Variants in REDIC1 observed in about 807,000 individuals in gnomAD.
REDIC1 encodes the protein HEI10 Interacting Protein 1.
the REDIC1 span, chr12:39,764,778 G>A: frequency 1.2e-6 from 2 of 1,612,188 alleles, no homozygotes; most frequent in South Asian, 1.1e-5. Context: ...GCCCAGAAGT[G>A]CAGTCCAGGA....
At chr12:39,646,442 C>G in the REDIC1 span, 1 of 1,551,370 alleles carries the variant, frequency 6.4e-7, no homozygotes, top group Non-Finnish European at 8.7e-7. Flanking sequence ...TAAACTCTGC[C>G]TTGATGATAC....
chr12:39,684,368 G>A, the REDIC1 span: 4 of 615,194 alleles, frequency 6.5e-6, no homozygotes, highest in Non-Finnish European at 8.1e-6. Context: ...CTTTCTGGTT[G>A]GAAATCATGA....
At chr12:39,881,028 C>G in the REDIC1 span, among the ~76,000 whole-genome samples, 1 of 152,206 alleles carries the variant, frequency 6.6e-6, no homozygotes, top group Non-Finnish European at 1.5e-5. Context: ...TGTTCCCAAA[C>G]CTGTTTATGC....
chr12:39,846,593 A>G, the REDIC1 span, among the ~76,000 whole-genome samples: 2 of 152,154 alleles, frequency 1.3e-5, no homozygotes, highest in Non-Finnish European at 2.9e-5. Context: ...CTGAGTCTAC[A>G]GGCACATACC....
chr12:39,683,029 GA>G, the REDIC1 span: 1 of 1,613,204 alleles, frequency 6.2e-7, no homozygotes. Context: ...AAGTTATCCA[GA>G]AAAATGTCAG....
the REDIC1 span, among the ~76,000 whole-genome samples, chr12:39,748,033 A>C: frequency 1.1e-4 from 17 of 152,314 alleles, no homozygotes; most frequent in Admixed American, 2.0e-4. Flanking sequence ...CGAGCAAAAT[A>C]ACCAGCTAAC....
At chr12:39,792,691 T>C in the REDIC1 span, among the ~76,000 whole-genome samples, 3 of 152,094 alleles carry the variant, frequency 2.0e-5, no homozygotes, top group Non-Finnish European at 4.4e-5. Flanking sequence ...AAAAGTCAGA[T>C]ATAGATACCA....
At chr12:39,802,986 C>CA in the REDIC1 span, among the ~76,000 whole-genome samples, 1 of 152,124 alleles carries the variant, frequency 6.6e-6, no homozygotes, top group Admixed American at 6.6e-5. Flanking sequence ...AAAGAGGCCT[C>CA]ACTAGAGGTA....
chr12:39,765,826 TCACCTAGGTATTAAG>T, the REDIC1 span, among the ~76,000 whole-genome samples: 2 of 152,082 alleles, frequency 1.3e-5, no homozygotes, highest in Non-Finnish European at 2.9e-5. Context: ...TATCAACCCA[TCACCTAGGTATTAAG>T]CCCCATGTGC....
At chr12:39,758,282 C>T in the REDIC1 span, 1 of 151,764 alleles carries the variant, frequency 6.6e-6, no homozygotes, top group African/African-American at 2.4e-5. Flanking sequence ...ACATATTATA[C>T]CTCTGGTGAC....
the REDIC1 span, among the ~76,000 whole-genome samples, chr12:39,891,713 C>T: frequency 6.6e-6 from 1 of 152,122 alleles, no homozygotes; most frequent in African/African-American, 2.4e-5. Flanking sequence ...AAGTTATGAA[C>T]ATGCCTTAGG....
At chr12:39,896,299 T>C in the REDIC1 span, among the ~76,000 whole-genome samples, 2 of 143,988 alleles carry the variant, frequency 1.4e-5, no homozygotes, top group Non-Finnish European at 3.0e-5. Context: ...TATGTGTGTA[T>C]ATATGTATAC....
the REDIC1 span, among the ~76,000 whole-genome samples, chr12:39,648,178 G>A: frequency 6.6e-6 from 1 of 151,896 alleles, no homozygotes; most frequent in Non-Finnish European, 1.5e-5. Context: ...CAGAACTGGA[G>A]TGTTTTTTAA....
chr12:39,776,620 A>G, the REDIC1 span, among the ~76,000 whole-genome samples: 1 of 152,368 alleles, frequency 6.6e-6, no homozygotes, highest in East Asian at 1.9e-4. Flanking sequence ...AGGGTCACGG[A>G]GTTGACAGTG....
At chr12:39,734,343 G>T in the REDIC1 span, among the ~76,000 whole-genome samples, 1 of 152,140 alleles carries the variant, frequency 6.6e-6, no homozygotes, top group African/African-American at 2.4e-5. Flanking sequence ...GTCCGGAGCT[G>T]TTCCTATTCA....
the REDIC1 span, among the ~76,000 whole-genome samples, chr12:39,669,646 C>CA: frequency 6.6e-6 from 1 of 152,252 alleles, no homozygotes; most frequent in African/African-American, 2.4e-5. Flanking sequence ...GCCCTGCCCC[C>CA]AGAGGTGGAG....
chr12:39,890,975 G>C, the REDIC1 span, among the ~76,000 whole-genome samples: 1 of 151,972 alleles, frequency 6.6e-6, no homozygotes, highest in South Asian at 2.1e-4. Flanking sequence ...TGTCATCTCT[G>C]GGGTAAGATT....
the REDIC1 span, among the ~76,000 whole-genome samples, chr12:39,711,608 CATGTGTATGTGTATACACGT>C: frequency 3.8e-5 from 4 of 104,684 alleles, no homozygotes; most frequent in Non-Finnish European, 6.3e-5. Flanking sequence ...TATACACATG[CATGTGTATGTGTATACACGT>C]ATGTGTATAT....
At chr12:39,681,128 C>T in the REDIC1 span, among the ~76,000 whole-genome samples, 712 of 152,172 alleles carry the variant, frequency 4.7e-3, 3 homozygotes, top group African/African-American at 0.016. Flanking sequence ...AAAAGTCAGC[C>T]GGGTGTGGTG....
Sources: gnomAD v4.1 joint callset for allele counts (sites outside exome capture counted in the v4.1 genomes callset) on GRCh38, gnomAD v4.1.1 for gene constraint, MANE v1.5 for transcripts, NCBI Gene and HGNC (gene_info 2026-07-23, HGNC 2026-07-21) for gene names.